LRRTM4: variants seen among roughly 807,000 people sequenced by gnomAD.
LRRTM4 encodes the protein leucine-rich repeat transmembrane neuronal protein 4.
Under a neutral mutation model 47.6 loss-of-function variants are expected in LRRTM4, and 25 were observed. That is an observed-to-expected ratio of 0.53 (90% confidence interval 0.38 to 0.73). LRRTM4 has a LOEUF of 0.73. Among genes scored for constraint, LRRTM4 ranks in the 30% least tolerant of loss-of-function variants. The pLI, the probability that LRRTM4 is intolerant of heterozygous loss-of-function variation, is 0.00. For missense variants in LRRTM4, 638 were observed against 713.4 expected, an observed-to-expected ratio of 0.89 and a Z score of 1.20; for synonymous variants, 311 against 269.5, an observed-to-expected ratio of 1.15 and a Z score of -1.51.
chr2:76,793,129 G>A (rs1675066588), intron 3 of LRRTM4, among the ~76,000 whole-genome samples: 3 of 152,162 alleles, frequency 2.0e-5, no homozygotes, highest in Non-Finnish European at 4.4e-5. Flanking sequence ...TTTCCCTCAA[G>A]TCTTTAGGCA....
chr2:76,998,482 A>C (rs980306331), intron 3 of LRRTM4, among the ~76,000 whole-genome samples: 3 of 152,052 alleles, frequency 2.0e-5, no homozygotes, highest in African/African-American at 7.2e-5. Flanking sequence ...CATGATGCAC[A>C]CACACCACCC....
At chr2:77,131,295 C>T (rs1422699056) in intron 3 of LRRTM4, among the ~76,000 whole-genome samples, 3 of 152,048 alleles carry the variant, frequency 2.0e-5, no homozygotes, top group African/African-American at 4.8e-5. Context: ...CCATTTGAGA[C>T]GAGAGACTAA....
chr2:77,024,977 G>A (rs552744146), intron 3 of LRRTM4, among the ~76,000 whole-genome samples: 72 of 152,174 alleles, frequency 4.7e-4, no homozygotes, highest in African/African-American at 1.5e-3. Context: ...CAAATACGGT[G>A]AAAAAGAATC....
intron 3 of LRRTM4, among the ~76,000 whole-genome samples, chr2:77,158,654 CTATT>C (rs1672624972): frequency 6.6e-6 from 1 of 151,906 alleles, no homozygotes; most frequent in Non-Finnish European, 1.5e-5. Context: ...AGCAGTTTGT[CTATT>C]TATATTTTGT....
At chr2:77,353,209 T>C (rs1671848075) in intron 3 of LRRTM4, among the ~76,000 whole-genome samples, 1 of 152,194 alleles carries the variant, frequency 6.6e-6, no homozygotes, top group African/African-American at 2.4e-5. Flanking sequence ...AGTTAATAGG[T>C]GTTAACATCT....
At chr2:76,760,582 TA>T (rs558190033) in intron 3 of LRRTM4, among the ~76,000 whole-genome samples, 60 of 152,042 alleles carry the variant, frequency 3.9e-4, no homozygotes, top group Non-Finnish European at 7.5e-4. Context: ...AACAGCCTAC[TA>T]CCCAGGTTGT....
At chr2:76,907,376 C>T (rs182607481) in intron 3 of LRRTM4, among the ~76,000 whole-genome samples, 2,867 of 150,536 alleles carry the variant, frequency 0.019, 74 homozygotes, top group East Asian at 0.084. Flanking sequence ...ACTAAATGCC[C>T]ACAAGAAAAA....
At chr2:77,486,840 T>A (rs1437459895) in intron 3 of LRRTM4, among the ~76,000 whole-genome samples, 1 of 152,216 alleles carries the variant, frequency 6.6e-6, no homozygotes, top group Non-Finnish European at 1.5e-5. Flanking sequence ...TTTCCAACTC[T>A]TCTGATAAAG....
chr2:76,802,672 C>G lies in LRRTM4; in HGVS notation c.1552-53756G>C, dbSNP rs192909175. Among the ~76,000 whole-genome samples the G allele has an allele frequency of 3.9e-4, 59 of 151,420 alleles. 1 individual carries two copies. The highest frequency in any genetic ancestry group is 3.3e-3 in the Admixed American group (51 of 15,252). On this transcript the variant is annotated intron_variant, in intron 3 of 3. Coordinates refer to ENST00000409884, the MANE Select transcript of LRRTM4 (RefSeq NM_001134745.3). Reference sequence around the variant, plus strand: ...TCCAAAATATCTTGGTCCAAAAGAACAAAGCTGGAGGTATCATACTACCTG... The same window carrying G: ...TCCAAAATATCTTGGTCCAAAAGAAGAAAGCTGGAGGTATCATACTACCTG...
rs150668651 is a variant in LRRTM4 at position 76,862,816 on chromosome 2, G to C, written c.1552-113900C>G. Among the ~76,000 whole-genome samples the C allele has an allele frequency of 3.9e-3, 598 of 152,234 alleles. 5 individuals carry two copies. Among genetic ancestry groups the C allele is most frequent in the African/African-American group, 0.013 (541 of 41,538 alleles). On this transcript the variant is annotated intron_variant, in intron 3 of 3. Transcript: ENST00000409884. ...TATATTTGTTGACTTTGAAGAACTG[G>C]AGCTAAAAGAGAAATGTAACTTTAA...
At chr2:76,814,796 CACACACACAT>C (rs1314938060) in intron 3 of LRRTM4, among the ~76,000 whole-genome samples, 83 of 47,302 alleles carry the variant, frequency 1.8e-3, no homozygotes, top group African/African-American at 9.2e-3. Flanking sequence ...CTTCAAGATA[CACACACACAT>C]ACACACACAC....
intron 3 of LRRTM4, among the ~76,000 whole-genome samples, chr2:77,130,824 ATTTTTTTTTTTTT>A (rs768577274): frequency 2.0e-4 from 7 of 35,634 alleles, no homozygotes; most frequent in Non-Finnish European, 2.9e-4. Context: ...TATTTGTTCT[ATTTTTTTTTTTTT>A]TTTTTTTTTT....
At position 76,995,537 on chromosome 2, in the gene LRRTM4, C is replaced by T. The variant is rs550622172; in HGVS notation, c.1552-246621G>A. The stretch of plus-strand genomic sequence containing the variant: ...TAGATCAAATTCTGGGGGAGGCAAA[C>T]GGGGGACTGGCTCTATCAAAGTAAA... On this transcript the variant is annotated intron_variant, in intron 3 of 3. Coordinates refer to ENST00000409884, the MANE Select transcript of LRRTM4 (RefSeq NM_001134745.3). Among the ~76,000 whole-genome samples the T allele has an allele frequency of 7.4e-4, 113 of 151,970 alleles. 1 individual carries two copies. In the South Asian group the frequency reaches 0.019, roughly 25 times the overall value.
chr2:76,965,899 T>C (rs990637474), intron 3 of LRRTM4, among the ~76,000 whole-genome samples: 3 of 151,436 alleles, frequency 2.0e-5, no homozygotes, highest in African/African-American at 7.2e-5. Flanking sequence ...AAACCGAGTA[T>C]CTAAATTTGC....
At chr2:77,440,691 A>G (rs1045639166) in intron 3 of LRRTM4, among the ~76,000 whole-genome samples, 1 of 152,232 alleles carries the variant, frequency 6.6e-6, no homozygotes. Flanking sequence ...CAGTGCAAAT[A>G]CAATTTAGGC....
Position 76,872,236 on chromosome 2 carries a change from G to A in LRRTM4, c.1552-123320C>T, listed in dbSNP as rs572130507. Among the ~76,000 whole-genome samples the A allele has an allele frequency of 2.7e-3, 417 of 152,034 alleles. 2 individuals are homozygous for A. Among genetic ancestry groups the A allele is most frequent in the Middle Eastern group, 0.01 (3 of 294 alleles). On this transcript the variant is annotated intron_variant, in intron 3 of 3. Coordinates refer to ENST00000409884, the MANE Select transcript of LRRTM4 (RefSeq NM_001134745.3). ...AACATTAAAATTTTTCACATCTTAA[G>A]GATACGTTAAAATCAGAATCATGAA...
intron 3 of LRRTM4, among the ~76,000 whole-genome samples, chr2:77,134,173 C>G (rs1002266525): frequency 2.0e-5 from 3 of 152,004 alleles, no homozygotes; most frequent in Non-Finnish European, 4.4e-5. Context: ...CAAGAGCTGA[C>G]TTTAATAAAG....
At chr2:77,266,051 T>C (rs1434192956) in intron 3 of LRRTM4, among the ~76,000 whole-genome samples, 1 of 152,136 alleles carries the variant, frequency 6.6e-6, no homozygotes, top group African/African-American at 2.4e-5. Context: ...TAAATGAAGA[T>C]TTATTGGAAC....
chr2:76,953,508 A>G (rs1415502301), intron 3 of LRRTM4, among the ~76,000 whole-genome samples: 1 of 151,906 alleles, frequency 6.6e-6, no homozygotes, highest in South Asian at 2.1e-4. Flanking sequence ...CTTGTGAGGG[A>G]AAGAGAAGAG....
Sources: allele counts gnomAD v4.1 joint callset (sites outside exome capture counted in the v4.1 genomes callset), GRCh38; gene constraint gnomAD v4.1.1; transcripts MANE v1.5; gene names NCBI Gene and HGNC (gene_info 2026-07-23, HGNC 2026-07-21).